Variants in SAMSN1 observed in about 807,000 individuals in gnomAD.
SAMSN1 encodes the protein SAM domain-containing protein SAMSN-1.
Under a neutral mutation model 42.0 loss-of-function variants are expected in SAMSN1, and 31 were observed. The observed-to-expected ratio is 0.74, with a 90% confidence interval of 0.55 to 1.00. The LOEUF is 1.00. Ranked by LOEUF, SAMSN1 falls within the 50% of genes least tolerant of loss-of-function variation. The pLI is 0.00. For missense variants in SAMSN1, 464 were observed against 439.4 expected (o/e 1.06, Z -0.50); for synonymous variants, 178 against 151.9 (o/e 1.17, Z -1.26).
intron 2 of SAMSN1, among the ~76,000 whole-genome samples, chr21:14,577,273 TATATA>T (rs1568816181): frequency 5.5e-5 from 3 of 54,184 alleles, no homozygotes; most frequent in African/African-American, 3.4e-4. Context: ...TATATATATA[TATATA>T]TATATATTTT....
At chr21:14,622,009 A>C (rs967579960) in intron 2 of SAMSN1, among the ~76,000 whole-genome samples, 1 of 152,240 alleles carries the variant, frequency 6.6e-6, no homozygotes, top group Admixed American at 6.5e-5. Context: ...TACCCAGGCA[A>C]ACAGGGTCTG....
chr21:14,642,386 G>A (rs1600980791), intron 2 of SAMSN1, among the ~76,000 whole-genome samples: 1 of 152,180 alleles, frequency 6.6e-6, no homozygotes, highest in Non-Finnish European at 1.5e-5. Context: ...ATGATGGTGT[G>A]TATCCATAAA....
chr21:14,624,896 G>A (rs1257262386), intron 2 of SAMSN1, among the ~76,000 whole-genome samples: 6 of 152,132 alleles, frequency 3.9e-5, no homozygotes, highest in East Asian at 1.9e-4. Flanking sequence ...GTGGCAAACC[G>A]AATCCAGTAG....
At chr21:14,494,143 A>G (rs1483978149) in intron 7 of SAMSN1, among the ~76,000 whole-genome samples, 1 of 152,226 alleles carries the variant, frequency 6.6e-6, no homozygotes, top group Non-Finnish European at 1.5e-5. Context: ...ATTGTCAAAG[A>G]CAGTGTGGCG....
rs1982661114 is a variant in SAMSN1 at position 14,609,898 on chromosome 21, C to T, written c.236-330G>A. Among the ~76,000 whole-genome samples the T allele has an allele frequency of 2.0e-5, 3 of 152,182 alleles. No homozygotes were observed. In the South Asian group the frequency reaches 6.2e-4, roughly 32 times the overall value. ...AAGATTTCATAGACACTTATCACTT[C>T]CCCAATCAATATTCTTGTGATTTCC... On this transcript the variant is annotated intron_variant, in intron 4 of 15. Coordinates refer to the SAMSN1 transcript ENST00000647101.
intron 4 of SAMSN1, 54 bp downstream of exon 4, chr21:14,512,390 T>G: frequency 6.3e-7 from 1 of 1,582,852 alleles, no homozygotes; most frequent in South Asian, 1.1e-5. Context: ...GTTTTTTAAT[T>G]AATTTAACCC....
intron 2 of SAMSN1, among the ~76,000 whole-genome samples, chr21:14,576,867 T>G (rs1255284503): frequency 6.6e-6 from 1 of 152,114 alleles, no homozygotes; most frequent in Non-Finnish European, 1.5e-5. Context: ...TGAATTCTTC[T>G]GTAAGCAGGT....
At chr21:14,558,957 T>C (rs1319890900) in intron 2 of SAMSN1, among the ~76,000 whole-genome samples, 1 of 152,184 alleles carries the variant, frequency 6.6e-6, no homozygotes, top group Non-Finnish European at 1.5e-5. Flanking sequence ...GGACTTCTAA[T>C]TCTGAACCCA....
chr21:14,510,752 T>C (rs2099914560), intron 4 of SAMSN1, among the ~76,000 whole-genome samples: 1 of 152,208 alleles, frequency 6.6e-6, no homozygotes, highest in South Asian at 2.1e-4. Context: ...ATGTACTAAG[T>C]ATTGGTCACT....
rs544347810 is a variant in SAMSN1, at chr21:14,511,086, C to T, written c.410-625G>A. ...AATGGCTCCCAGTGGAAGTAATTCT[C>T]CTCCCCCACCCTCATACTCAGTCAC... On this transcript the variant is annotated intron_variant, in intron 4 of 7. Coordinates refer to ENST00000400566, the MANE Select transcript of SAMSN1 (RefSeq NM_022136.5). Among the ~76,000 whole-genome samples the T allele has an allele frequency of 1.0e-3, 152 of 152,246 alleles. 1 individual carries two copies. Among genetic ancestry groups the T allele is most frequent in the Middle Eastern group, 3.4e-3 (1 of 294 alleles).
chr21:14,619,696 C>A, intron 2 of SAMSN1: 1 of 316,700 alleles, frequency 3.2e-6, no homozygotes, highest in Non-Finnish European at 6.7e-6. Context: ...GAGAGATTAG[C>A]AAGATAAAAT....
At chr21:14,586,882 T>G (rs1280838245), upstream of SAMSN1, among the ~76,000 whole-genome samples, 1 of 152,120 alleles carries the variant, frequency 6.6e-6, no homozygotes, top group Non-Finnish European at 1.5e-5. Context: ...AGAAGAGAAG[T>G]CTTGGAACAC....
rs773667427 is a variant in SAMSN1 at position 14,485,981 on chromosome 21, T to C, written c.1053A>G (p.Lys351=). 50 of 1,613,692 alleles carry C rather than the reference T, an allele frequency of 3.1e-5. No individual in the cohort carries two copies. Among genetic ancestry groups the C allele is most frequent in the Non-Finnish European group, 3.9e-5 (46 of 1,179,742 alleles). Residue 351 remains lysine (K), a synonymous_variant, in exon 8 of 8, where the codon AAA becomes AAG. Transcript: ENST00000400566. ...ACAGATTTTCAGACTCCAGATCCTC[T>C]TTGCCATTATCTGAATTTCCTGATG... The part of the protein sequence containing the change: ...YISSGNSDNG[K]EDLESENLSD...
At chr21:14,609,382 G>A (rs1982645959) in intron 5 of SAMSN1, 2 of 690,100 alleles carry the variant, frequency 2.9e-6, no homozygotes, top group Admixed American at 2.1e-5. Flanking sequence ...GACCATAATG[G>A]TCTGCTTATT....
At chr21:14,552,796 C>T (rs556377486) in intron 2 of SAMSN1, among the ~76,000 whole-genome samples, 1 of 152,056 alleles carries the variant, frequency 6.6e-6, no homozygotes, top group Non-Finnish European at 1.5e-5. Context: ...TTCTAAAGAG[C>T]GTTTATTATT....
At chr21:14,528,575 G>A (rs531324623) in intron 1 of SAMSN1, among the ~76,000 whole-genome samples, 1 of 152,310 alleles carries the variant, frequency 6.6e-6, no homozygotes, top group Admixed American at 6.5e-5. Flanking sequence ...GCTCATTGCT[G>A]TCTTTGGAGA....
chr21:14,525,243 C>A (rs1005663092), intron 1 of SAMSN1, among the ~76,000 whole-genome samples: 4 of 152,050 alleles, frequency 2.6e-5, no homozygotes, highest in Non-Finnish European at 5.9e-5. Context: ...TTAAATACAA[C>A]TAATGAGATA....
At chr21:14,505,892 C>T (rs1987378219) in intron 5 of SAMSN1, among the ~76,000 whole-genome samples, 1 of 152,062 alleles carries the variant, frequency 6.6e-6, no homozygotes, top group Non-Finnish European at 1.5e-5. Context: ...GAAATTATAT[C>T]AAGCACTCTT....
chr21:14,621,595 G>GGAGGAGCGCCCACCATTGCT (rs199797741), intron 2 of SAMSN1, among the ~76,000 whole-genome samples: 1 of 151,562 alleles, frequency 6.6e-6, no homozygotes, highest in Non-Finnish European at 1.5e-5. Context: ...AGAGGCTGGG[G>GGAGGAGCGCCCACCATTGCT]GAGGCTTGAG....
Sources: gnomAD v4.1 joint callset for allele counts (sites outside exome capture counted in the v4.1 genomes callset) on GRCh38, gnomAD v4.1.1 for gene constraint, MANE v1.5 for transcripts, NCBI Gene and HGNC (gene_info 2026-07-23, HGNC 2026-07-21) for gene names.